Variants in PPP2R2B observed in about 807,000 individuals in gnomAD.
PPP2R2B encodes the protein serine/threonine-protein phosphatase 2A 55 kDa regulatory subunit B beta isoform.
A neutral mutation model predicts 46.0 loss-of-function variants in PPP2R2B; 5 were observed. That is an observed-to-expected ratio of 0.11 (90% CI 0.06 to 0.23). The LOEUF (loss-of-function observed/expected upper bound fraction) is 0.23, where lower values mean the gene tolerates loss of function less well. Among genes scored for constraint, PPP2R2B ranks in the 10% least tolerant of loss-of-function variants. PPP2R2B has a pLI of 1.00. For missense variants in PPP2R2B, 367 were observed against 575.0 expected (o/e 0.64, Z 3.70); for synonymous variants, 215 against 206.7 (o/e 1.04, Z -0.34).
intron 1 of PPP2R2B, among the ~76,000 whole-genome samples, chr5:146,896,080 A>G (rs1762635481): frequency 6.6e-6 from 1 of 152,184 alleles, no homozygotes; most frequent in South Asian, 2.1e-4. Context: ...TGAGAAATAC[A>G]TTAAAGAAAG....
At chr5:147,015,586 C>A (rs538030804) in intron 1 of PPP2R2B, among the ~76,000 whole-genome samples, 2 of 151,706 alleles carry the variant, frequency 1.3e-5, no homozygotes, top group South Asian at 2.1e-4. Flanking sequence ...CTGAGTCTTA[C>A]GGTTGGCTGA....
chr5:147,003,592 A>G (rs1303626294), intron 1 of PPP2R2B, among the ~76,000 whole-genome samples: 1 of 152,192 alleles, frequency 6.6e-6, no homozygotes, highest in Non-Finnish European at 1.5e-5. Flanking sequence ...GATACCTGGT[A>G]TCTTAGTCAA....
At chr5:146,880,415 A>G (rs17105596), upstream of PPP2R2B, among the ~76,000 whole-genome samples, 559 of 152,244 alleles carry the variant, frequency 3.7e-3, 4 homozygotes, top group African/African-American at 0.012. Flanking sequence ...AGCTGTATCT[A>G]TCACCGAGGT....
At chr5:146,606,683 T>G (rs1046143593) in intron 7 of PPP2R2B, among the ~76,000 whole-genome samples, 3 of 152,174 alleles carry the variant, frequency 2.0e-5, no homozygotes, top group African/African-American at 7.2e-5. Context: ...GAGGCAGATC[T>G]TAAGAACCAG....
chr5:146,716,534 C>T (rs1780510302), intron 2 of PPP2R2B, among the ~76,000 whole-genome samples: 1 of 152,118 alleles, frequency 6.6e-6, no homozygotes, highest in Non-Finnish European at 1.5e-5. Context: ...AGCTATAAAT[C>T]CTTTCCCCAT....
At position 146,952,948 on chromosome 5, in the gene PPP2R2B, A is replaced by G. The variant is rs1751691957; in HGVS notation, c.79+102717T>C. Reference sequence around the variant, plus strand: ...GTGAGAGGGGTAGGGGACTAAAATCATAGTAAGTTTAGGCAGATAGCTGCA... The same window carrying G: ...GTGAGAGGGGTAGGGGACTAAAATCGTAGTAAGTTTAGGCAGATAGCTGCA... On this transcript the variant is annotated intron_variant, in intron 1 of 8. Coordinates refer to the PPP2R2B transcript ENST00000336640. Among the ~76,000 whole-genome samples the G allele has an allele frequency of 2.6e-5, 4 of 152,326 alleles. No homozygotes were observed. In the South Asian group the frequency reaches 8.3e-4, roughly 32 times the overall value.
intron 7 of PPP2R2B, among the ~76,000 whole-genome samples, chr5:146,633,888 T>G (rs1384874164): frequency 6.6e-6 from 1 of 152,200 alleles, no homozygotes; most frequent in African/African-American, 2.4e-5. Context: ...AGTCACTGTC[T>G]TGTAGAGTCC....
At chr5:146,931,613 G>C (rs2151822299) in intron 1 of PPP2R2B, among the ~76,000 whole-genome samples, 2 of 152,244 alleles carry the variant, frequency 1.3e-5, no homozygotes, top group South Asian at 4.1e-4. Flanking sequence ...GGGTAAACAA[G>C]AGGCACTGGG....
chr5:146,856,928 T>C (rs1760707554), intron 2 of PPP2R2B, among the ~76,000 whole-genome samples: 2 of 152,140 alleles, frequency 1.3e-5, no homozygotes, highest in Admixed American at 1.3e-4. Context: ...TATTCTAAGC[T>C]TGAGGGGGTG....
intron 5 of PPP2R2B, among the ~76,000 whole-genome samples, chr5:146,677,753 C>A (rs937724755): frequency 1.3e-5 from 2 of 152,038 alleles, no homozygotes; most frequent in South Asian, 2.1e-4. Context: ...GTCTTGAACT[C>A]CTGAGCTCAA....
chr5:147,022,763 G>A (rs542000441), intron 1 of PPP2R2B, among the ~76,000 whole-genome samples: 63 of 152,086 alleles, frequency 4.1e-4, no homozygotes, highest in African/African-American at 1.5e-3. Flanking sequence ...TACCATTGAC[G>A]TCGCATCATA....
intron 9 of PPP2R2B, 140 bp downstream of exon 9, chr5:146,592,831 A>G: frequency 1.4e-6 from 1 of 728,916 alleles, no homozygotes; most frequent in Non-Finnish European, 2.4e-6. Context: ...AAGGGTCACT[A>G]GGGGCCCACA....
chr5:146,822,554 T>C (rs548063905), intron 2 of PPP2R2B, among the ~76,000 whole-genome samples: 1 of 149,912 alleles, frequency 6.7e-6, no homozygotes, highest in African/African-American at 2.5e-5. Context: ...TTTTTTTTGC[T>C]TTTTAGGTTG....
At chr5:146,939,558 C>A (rs544597715) in intron 1 of PPP2R2B, among the ~76,000 whole-genome samples, 23 of 152,278 alleles carry the variant, frequency 1.5e-4, no homozygotes, top group African/African-American at 5.5e-4. Flanking sequence ...TTCTAAAAGA[C>A]AAACTTTTTG....
chr5:146,799,993 A>G (rs1554138307), intron 2 of PPP2R2B, among the ~76,000 whole-genome samples: 1 of 152,148 alleles, frequency 6.6e-6, no homozygotes, highest in Non-Finnish European at 1.5e-5. Context: ...TTGCTCTCCC[A>G]TTGCTCAACA....
At chr5:146,898,920 A>G (rs1226125150) in intron 1 of PPP2R2B, among the ~76,000 whole-genome samples, 1 of 140,348 alleles carries the variant, frequency 7.1e-6, no homozygotes, top group Non-Finnish European at 1.5e-5. Flanking sequence ...CAAAACCACA[A>G]TGAGATACCA....
chr5:146,800,496 A>G (rs953968479), intron 2 of PPP2R2B, among the ~76,000 whole-genome samples: 5 of 152,040 alleles, frequency 3.3e-5, no homozygotes, highest in Non-Finnish European at 7.3e-5. Context: ...CTGCTGCCTC[A>G]TTACTTCACA....
chr5:146,847,483 A>C (rs1284604977), intron 2 of PPP2R2B, among the ~76,000 whole-genome samples: 2 of 152,150 alleles, frequency 1.3e-5, no homozygotes, highest in South Asian at 2.1e-4. Context: ...TCTCAGCTTA[A>C]GGTTAGAAGC....
intron 2 of PPP2R2B, among the ~76,000 whole-genome samples, chr5:146,789,855 GA>G (rs1160579348): frequency 1.3e-5 from 2 of 152,096 alleles, no homozygotes; most frequent in Non-Finnish European, 2.9e-5. Context: ...TTTCCAAGAA[GA>G]AAAAAGAGAG....
Sources: allele counts gnomAD v4.1 joint callset (sites outside exome capture counted in the v4.1 genomes callset), GRCh38; gene constraint gnomAD v4.1.1; transcripts MANE v1.5; gene names NCBI Gene and HGNC (gene_info 2026-07-23, HGNC 2026-07-21).